Variants in UBR2 observed in about 807,000 individuals in gnomAD.
The protein encoded by UBR2 is E3 ubiquitin-protein ligase UBR2.
A neutral mutation model predicts 247.9 loss-of-function variants in UBR2; 92 were observed. The observed-to-expected ratio is 0.37, with a 90% CI of 0.31 to 0.44. The LOEUF (loss-of-function observed/expected upper bound fraction) is 0.44, where lower values mean the gene tolerates loss of function less well. Ranked by LOEUF, UBR2 falls within the 20% of genes least tolerant of loss-of-function variation. UBR2 has a pLI of 1.00. For missense variants in UBR2, 1,613 were observed against 2,112.6 expected (o/e 0.76, Z 4.64); for synonymous variants, 672 against 693.5 (o/e 0.97, Z 0.49).
Position 42,678,561 on chromosome 6 carries a change from G to T in UBR2, c.4501G>T (p.Gly1501Cys). The change falls in exon 41 of 47, where the codon GGC becomes TGC. Residue 1501 changes from glycine (G) to cysteine (C), a missense_variant. This residue lies in a region of UBR2 where 1,524 missense variants were observed against 1,967.3 expected (regional missense o/e 0.77). Coordinates refer to ENST00000372901, the MANE Select transcript of UBR2 (RefSeq NM_001363705.2). ...TAGTGCCTTGAAAGAAATACCATCC[G>T]GCTGGCATCTGTGGAGGAGTGTCAG... ...TGSALKEIPS[G>C]WHLWRSVRAG... 1 of 1,608,614 alleles carries T rather than the reference G, an allele frequency of 6.2e-7. No homozygotes were observed. The highest frequency in any genetic ancestry group is 8.5e-7 in the Non-Finnish European group (1 of 1,178,044).
At chr6:42,590,977 T>C (rs1015390371) in intron 2 of UBR2, among the ~76,000 whole-genome samples, 2 of 152,328 alleles carry the variant, frequency 1.3e-5, no homozygotes, top group Admixed American at 6.5e-5. Context: ...TTAGGCCAGG[T>C]GCGGTGGCCC....
chr6:42,630,746 G>T (rs1035129176), intron 11 of UBR2, among the ~76,000 whole-genome samples: 13 of 151,956 alleles, frequency 8.6e-5, no homozygotes, highest in Admixed American at 8.5e-4. Flanking sequence ...ATCTATATTA[G>T]AATACAGTTT....
rs1562310782 is a variant in UBR2 at position 42,614,205 on chromosome 6, A to AAAAAT, written c.986-866_986-865insAAAAT. On this transcript the variant is annotated intron_variant, in intron 8 of 46. Transcript: ENST00000372901. ...AAAAAAAAAAAAAAAAAAAAAAAAAACTATATATATATACACACACACACA... is the reference window on the plus strand; with the variant it reads ...AAAAAAAAAAAAAAAAAAAAAAAAAAAAAATCTATATATATATACACACACACACA... Among the ~76,000 whole-genome samples the AAAAAT allele has an allele frequency of 6.8e-4, 18 of 26,596 alleles. 1 individual carries two copies. The highest frequency in any genetic ancestry group is 0.033 in the Middle Eastern group (1 of 30). 17.4% of individuals were successfully genotyped at this position (26,596 alleles called of 152,430 possible).
intron 32 of UBR2, among the ~76,000 whole-genome samples, chr6:42,663,837 AAG>A (rs1349203406): frequency 1.3e-5 from 2 of 152,166 alleles, no homozygotes. Flanking sequence ...CCAGGCAAAA[AAG>A]TGAAAATCTG....
chr6:42,688,421 T>C (rs1206853291), intron 45 of UBR2, 35 bp downstream of exon 45: 1 of 1,609,042 alleles, frequency 6.2e-7, no homozygotes, highest in Non-Finnish European at 8.5e-7. Context: ...GCTTTGGATC[T>C]GCCTCAGTAT....
intron 7 of UBR2, among the ~76,000 whole-genome samples, chr6:42,607,190 T>C (rs1039690507): frequency 6.8e-5 from 10 of 147,078 alleles, no homozygotes; most frequent in Non-Finnish European, 1.5e-4. Context: ...TTTTTTTTTT[T>C]CCGAATAGTC....
At chr6:42,634,339 T>TA in intron 13 of UBR2, 1 of 365,552 alleles carries the variant, frequency 2.7e-6, no homozygotes, top group South Asian at 2.1e-5. Context: ...GTGACGTCTC[T>TA]AAAAATCTGA....
In UBR2 at chr6:42,620,494, G is replaced by GTTTTTTTTTTTTTTTTTTT. The variant is rs1282900841; in HGVS notation, c.1281+2992_1281+2993insTTTTTTTTTTTTTTTTTTT. 6 of 97,050 alleles carry GTTTTTTTTTTTTTTTTTTT rather than the reference G, an allele frequency of 6.2e-5. 1 individual carries two copies. Among genetic ancestry groups the GTTTTTTTTTTTTTTTTTTT allele is most frequent in the Non-Finnish European group, 4.5e-5 (2 of 44,870 alleles). The allele number at this position is 97,050 out of a possible 1,614,324, so 6.0% of individuals were successfully genotyped here. A position where few individuals can be genotyped will look rare whatever the true frequency, so the allele number is the denominator to read the frequency against. On this transcript the variant is annotated intron_variant, in intron 11 of 46. Coordinates refer to ENST00000372901, the MANE Select transcript of UBR2 (RefSeq NM_001363705.2). ...ATATTAAGTGTTGTTTTTTTTTTTTGTTTTTGTTTTTGTTTTTTTTTAAGA... is the reference window on the plus strand; with the variant it reads ...ATATTAAGTGTTGTTTTTTTTTTTTGTTTTTTTTTTTTTTTTTTTTTTTTGTTTTTGTTTTTTTTTAAGA...
intron 11 of UBR2, among the ~76,000 whole-genome samples, chr6:42,629,054 T>TC (rs1795531350): frequency 6.6e-6 from 1 of 152,130 alleles, no homozygotes; most frequent in African/African-American, 2.4e-5. Context: ...TTCGCTCTTG[T>TC]CATCCACGCT....
intron 10 of UBR2, 135 bp from the exon 11 acceptor site, chr6:42,617,274 A>G: frequency 1.2e-6 from 2 of 1,614,092 alleles, no homozygotes; most frequent in Non-Finnish European, 1.7e-6. Flanking sequence ...TTTATGGAGG[A>G]TGATCACGAG....
intron 42 of UBR2, among the ~76,000 whole-genome samples, chr6:42,681,771 G>A (rs1373783897): frequency 6.6e-6 from 1 of 152,134 alleles, no homozygotes; most frequent in Admixed American, 6.5e-5. Flanking sequence ...ATAACTGAAA[G>A]CAGGAACTCA....
At chr6:42,571,869 A>G (rs1791169370) in intron 1 of UBR2, among the ~76,000 whole-genome samples, 1 of 152,078 alleles carries the variant, frequency 6.6e-6, no homozygotes, top group Admixed American at 6.5e-5. Flanking sequence ...AGCTCAAAGA[A>G]TAAGATTCTA....
At position 42,614,965 on chromosome 6, in the gene UBR2, TAAG is replaced by T. The variant is rs1250366218; in HGVS notation, c.986-103_986-101del. ...GCCTTTTCTGAATAAATTTGAACTT[TAAG>T]AAAACATTTAAAACTCTACAGATCC... On this transcript the variant is annotated intron_variant, in intron 8 of 46. Coordinates refer to ENST00000372901, the MANE Select transcript of UBR2 (RefSeq NM_001363705.2). 8 of 886,252 alleles carry T rather than the reference TAAG, an allele frequency of 9.0e-6. No homozygotes were observed. In the African/African-American group the frequency reaches 1.4e-4, roughly 15 times the overall value. The allele number at this position is 886,252 out of a possible 1,614,324, so 54.9% of individuals were successfully genotyped here.
chr6:42,653,034 G>A (rs564393982), intron 25 of UBR2, among the ~76,000 whole-genome samples: 9 of 151,786 alleles, frequency 5.9e-5, no homozygotes, highest in South Asian at 2.1e-4. Context: ...ATAGACTTAC[G>A]GTCCTATAGC....
At position 42,644,553 on chromosome 6, in the gene UBR2, T is replaced by A; in HGVS notation, c.2284+17T>A. 1 of 1,595,752 alleles carries A rather than the reference T, an allele frequency of 6.3e-7. No homozygotes were observed. Among genetic ancestry groups the A allele is most frequent in the Non-Finnish European group, 8.5e-7 (1 of 1,169,648 alleles). ...TGCTTGTTGGTAAGTTTAAATTGTT[T>A]GAGGCATTTAATAAATTACACTGAC... On this transcript the variant is annotated intron_variant, in intron 20 of 46. Transcript: ENST00000372901.
intron 13 of UBR2, 61 bp downstream of exon 13, chr6:42,632,965 T>C: frequency 1.7e-6 from 2 of 1,144,734 alleles, no homozygotes; most frequent in African/African-American, 1.6e-5. Flanking sequence ...TCTCTTTTTT[T>C]TTTTTTTTTT....
chr6:42,665,076 C>T (rs1423622341), intron 32 of UBR2, among the ~76,000 whole-genome samples: 1 of 152,114 alleles, frequency 6.6e-6, no homozygotes, highest in African/African-American at 2.4e-5. Flanking sequence ...AAGATATTTA[C>T]AGTAAAATTC....
At chr6:42,594,100 G>A in intron 3 of UBR2, 91 bp from the exon 4 acceptor site, 1 of 924,976 alleles carries the variant, frequency 1.1e-6, no homozygotes. Context: ...CTTAAGCAAT[G>A]GTATTTCCTT....
intron 4 of UBR2, among the ~76,000 whole-genome samples, chr6:42,596,010 T>C (rs549822915): frequency 2.4e-3 from 366 of 151,258 alleles, no homozygotes; most frequent in African/African-American, 8.6e-3. Flanking sequence ...AATAAAGATA[T>C]ATTTGAAAAA....
Sources: gnomAD v4.1 joint callset for allele counts (sites outside exome capture counted in the v4.1 genomes callset) on GRCh38, gnomAD v4.1.1 for gene constraint, gnomAD v4.1.1 regional missense constraint, MANE v1.5 for transcripts, NCBI Gene and HGNC (gene_info 2026-07-23, HGNC 2026-07-21) for gene names.